SOX6: variants seen among roughly 807,000 people sequenced by gnomAD.
SOX6 encodes SRY-box transcription factor 6.
In SOX6, 11 loss-of-function variants were observed where a neutral mutation model predicts 97.8. That is an observed-to-expected ratio of 0.11 (90% CI 0.07 to 0.19). SOX6 has a LOEUF of 0.19. SOX6 is among the 10% of genes least tolerant of loss of function. The probability of loss-of-function intolerance (pLI) is 1.00; values close to 1 mark genes in which losing one functional copy is unlikely to be tolerated. For synonymous variants in SOX6, 360 were observed against 371.4 expected, an observed-to-expected ratio of 0.97 and a Z score of 0.35; for missense variants, 810 against 1,039.5, an observed-to-expected ratio of 0.78 and a Z score of 3.04.
At chr11:16,484,088 T>G (rs756442266) in intron 4 of SOX6, 11 of 769,890 alleles carry the variant, frequency 1.4e-5, no homozygotes, top group Non-Finnish European at 2.4e-5. Context: ...TGGACTTAAC[T>G]TCTCCTGAAT....
intron 6 of SOX6, among the ~76,000 whole-genome samples, chr11:16,165,219 A>G (rs1850855751): frequency 6.6e-6 from 1 of 152,180 alleles, no homozygotes; most frequent in Admixed American, 6.5e-5. Flanking sequence ...AAAATACTTA[A>G]TCTATGATCA....
chr11:16,510,619 C>T (rs1463192484), intron 4 of SOX6, among the ~76,000 whole-genome samples: 1 of 151,990 alleles, frequency 6.6e-6, no homozygotes, highest in African/African-American at 2.4e-5. Flanking sequence ...TATCAATTTA[C>T]TTATCAAAGT....
intron 4 of SOX6, among the ~76,000 whole-genome samples, chr11:16,543,839 G>T (rs948383917): frequency 4.6e-5 from 7 of 152,050 alleles, no homozygotes; most frequent in Admixed American, 1.3e-4. Flanking sequence ...TCCTCAAAAA[G>T]TTCAACAGGA....
chr11:16,589,190 C>T (rs756835387), intron 4 of SOX6, among the ~76,000 whole-genome samples: 1 of 152,194 alleles, frequency 6.6e-6, no homozygotes, highest in Non-Finnish European at 1.5e-5. Context: ...TCCTCCTTGA[C>T]TCATCATGCC....
intron 13 of SOX6, among the ~76,000 whole-genome samples, chr11:15,997,595 T>C (rs1049613039): frequency 3.9e-5 from 6 of 152,126 alleles, no homozygotes; most frequent in African/African-American, 1.4e-4. Context: ...ATAATCACAA[T>C]AGATTCAGAA....
intron 4 of SOX6, among the ~76,000 whole-genome samples, chr11:16,579,868 G>C (rs1848016445): frequency 6.6e-6 from 1 of 152,114 alleles, no homozygotes; most frequent in African/African-American, 2.4e-5. Flanking sequence ...AATACTGCCA[G>C]ATAGTTTTCA....
At chr11:16,006,363 G>A (rs1854555474) in intron 13 of SOX6, among the ~76,000 whole-genome samples, 2 of 151,954 alleles carry the variant, frequency 1.3e-5, no homozygotes, top group African/African-American at 4.8e-5. Context: ...GGTAATCAAG[G>A]CACTCCTTAA....
At chr11:16,373,747 ATAT>A (rs1182029795) in intron 1 of SOX6, among the ~76,000 whole-genome samples, 1 of 150,704 alleles carries the variant, frequency 6.6e-6, no homozygotes, top group African/African-American at 2.4e-5. Flanking sequence ...ATGTGTATAC[ATAT>A]TATATGTTCT....
At chr11:16,558,628 G>A (rs1342240978) in intron 4 of SOX6, among the ~76,000 whole-genome samples, 2 of 151,918 alleles carry the variant, frequency 1.3e-5, no homozygotes, top group East Asian at 3.9e-4. Context: ...CGAAGGAGTT[G>A]TACTCTAGTA....
intron 2 of SOX6, among the ~76,000 whole-genome samples, chr11:16,328,446 T>C (rs1167175220): frequency 1.3e-5 from 2 of 152,190 alleles, no homozygotes; most frequent in African/African-American, 2.4e-5. Context: ...TCAACCATGT[T>C]AGTGATCAAT....
chr11:16,697,632 A>G (rs1036466646), intron 3 of SOX6, among the ~76,000 whole-genome samples: 2 of 152,230 alleles, frequency 1.3e-5, no homozygotes, highest in African/African-American at 4.8e-5. Flanking sequence ...AAGATTTTCT[A>G]CTTACTTTGC....
At chr11:16,681,710 A>G (rs1238226835) in intron 3 of SOX6, among the ~76,000 whole-genome samples, 1 of 152,156 alleles carries the variant, frequency 6.6e-6, no homozygotes, top group Admixed American at 6.5e-5. Flanking sequence ...TAGATAGACC[A>G]CTAGCCAGAC....
At chr11:16,270,284 T>C (rs1434912799) in intron 3 of SOX6, among the ~76,000 whole-genome samples, 3 of 151,140 alleles carry the variant, frequency 2.0e-5, no homozygotes, top group African/African-American at 7.3e-5. Flanking sequence ...ACAACTGCAA[T>C]GACATATGAC....
chr11:16,268,766 T>C (rs1334749888), intron 3 of SOX6, among the ~76,000 whole-genome samples: 2 of 151,084 alleles, frequency 1.3e-5, no homozygotes, highest in Non-Finnish European at 3.0e-5. Context: ...TGTTTTGAGA[T>C]TTTTTTGTCC....
At chr11:15,984,369 G>A (rs1010151667) in intron 15 of SOX6, among the ~76,000 whole-genome samples, 6 of 152,036 alleles carry the variant, frequency 3.9e-5, no homozygotes, top group Non-Finnish European at 7.4e-5. Context: ...CCAGACTGGC[G>A]GAACAGCCCC....
chr11:16,681,108 C>T (rs1847923964), intron 3 of SOX6, among the ~76,000 whole-genome samples: 3 of 152,192 alleles, frequency 2.0e-5, no homozygotes, highest in Non-Finnish European at 4.4e-5. Flanking sequence ...ACCAAGCAGA[C>T]CTAATAGACA....
chr11:16,124,384 T>C (rs575973476), intron 6 of SOX6, among the ~76,000 whole-genome samples: 1 of 152,046 alleles, frequency 6.6e-6, no homozygotes, highest in African/African-American at 2.4e-5. Flanking sequence ...TACATACAGA[T>C]ATAATAAATG....
intron 2 of SOX6, among the ~76,000 whole-genome samples, chr11:16,327,756 T>G (rs1279816867): frequency 6.6e-6 from 1 of 152,108 alleles, no homozygotes; most frequent in African/African-American, 2.4e-5. Context: ...TGTCAGGAAT[T>G]AAGAGTCAGA....
intron 3 of SOX6, among the ~76,000 whole-genome samples, chr11:16,665,805 G>T (rs1300942271): frequency 2.0e-5 from 3 of 152,330 alleles, no homozygotes; most frequent in Non-Finnish European, 4.4e-5. Flanking sequence ...AGGGGTGCTT[G>T]TGTGACCCCT....
Sources: gnomAD v4.1 joint callset for allele counts (sites outside exome capture counted in the v4.1 genomes callset) on GRCh38, gnomAD v4.1.1 for gene constraint, MANE v1.5 for transcripts, NCBI Gene and HGNC (gene_info 2026-07-23, HGNC 2026-07-21) for gene names.